Variants in GALNTL5 observed in about 807,000 individuals in gnomAD.
GALNTL5 encodes inactive polypeptide N-acetylgalactosaminyltransferase-like protein 5.
A neutral mutation model predicts 51.0 loss-of-function variants in GALNTL5; 44 were observed. The observed-to-expected ratio is 0.86, with a 90% CI of 0.68 to 1.11. The LOEUF is 1.11. Ranked by LOEUF, GALNTL5 falls within the 50% of genes least tolerant of loss-of-function variation. The pLI is 0.00. For synonymous variants in GALNTL5, 192 were observed against 182.8 expected (o/e 1.05, Z -0.41); for missense variants, 528 against 531.8 (o/e 0.99, Z 0.07).
chr7:151,999,376 G>C (rs1317762914), intron 5 of GALNTL5, among the ~76,000 whole-genome samples: 1 of 152,162 alleles, frequency 6.6e-6, no homozygotes, highest in African/African-American at 2.4e-5. Flanking sequence ...ATGTTCCTAG[G>C]AATAGAATTG....
chr7:151,977,289 G>A (rs1425281388), intron 3 of GALNTL5, among the ~76,000 whole-genome samples: 2 of 152,030 alleles, frequency 1.3e-5, no homozygotes, highest in Non-Finnish European at 2.9e-5. Flanking sequence ...GTTATAAGTG[G>A]TGATGTCATT....
intron 5 of GALNTL5, among the ~76,000 whole-genome samples, chr7:151,998,282 T>G (rs924179789): frequency 2.6e-5 from 4 of 152,264 alleles, no homozygotes; most frequent in African/African-American, 9.6e-5. Context: ...TACTTGCCTG[T>G]TTTATGAATA....
At chr7:151,973,896 A>G (rs2374311) in intron 3 of GALNTL5, among the ~76,000 whole-genome samples, 107,851 of 151,928 alleles carry the variant, frequency 0.71, 38,495 homozygotes, top group South Asian at 0.81. Context: ...TCATGGGAGT[A>G]GTTTCCCCCA....
intron 8 of GALNTL5, among the ~76,000 whole-genome samples, chr7:152,017,038 C>CAAAAAA (rs201395203): frequency 2.6e-5 from 3 of 116,650 alleles, no homozygotes; most frequent in Non-Finnish European, 5.3e-5. Context: ...AGCTCCATCT[C>CAAAAAA]AAAAAAAAAA....
chr7:152,008,929 T>C (rs1212954626), intron 7 of GALNTL5, among the ~76,000 whole-genome samples: 1 of 152,202 alleles, frequency 6.6e-6, no homozygotes, highest in African/African-American at 2.4e-5. Flanking sequence ...TGTGATCAGT[T>C]TTGTGTATTA....
rs528587214 is a variant in GALNTL5, at chr7:151,969,986, A to G, written c.248-959A>G. 1.7e-3 allele frequency among the ~76,000 whole-genome samples: 238 copies of G among 142,224 alleles called. 6 individuals carry two copies. The highest frequency in any genetic ancestry group is 5.8e-4 in the Non-Finnish European group (38 of 65,008). 93.3% of individuals were successfully genotyped at this position (142,224 alleles called of 152,430 possible). On this transcript the variant is annotated intron_variant, in intron 2 of 8. Coordinates refer to ENST00000392800, the MANE Select transcript of GALNTL5 (RefSeq NM_145292.4). Reference sequence around the variant, plus strand: ...CACGCCTGGCTATTTTTTTTTTTGTATTTTTAGGAGAGACGGGGTTTCACC... The same window carrying G: ...CACGCCTGGCTATTTTTTTTTTTGTGTTTTTAGGAGAGACGGGGTTTCACC...
intron 4 of GALNTL5, 34 bp from the exon 5 acceptor site, chr7:151,987,125 T>C (rs755564485): frequency 1.3e-6 from 2 of 1,548,846 alleles, no homozygotes; most frequent in East Asian, 2.3e-5. Flanking sequence ...ATAGTTGCCG[T>C]TTATACATTC....
chr7:152,002,204 C>T lies in GALNTL5; in HGVS notation c.659-510C>T, dbSNP rs561957223. Among the ~76,000 whole-genome samples, 362 of 151,958 alleles carry T rather than the reference C, an allele frequency of 2.4e-3. 2 individuals carry two copies. Among genetic ancestry groups the T allele is most frequent in the African/African-American group, 8.4e-3 (347 of 41,422 alleles). ...CTGAGGCAGGAGAATTGCTTGAACCCGGGAGGCGGATGTTGCAGTGAGCCA... is the reference window on the plus strand; with the variant it reads ...CTGAGGCAGGAGAATTGCTTGAACCTGGGAGGCGGATGTTGCAGTGAGCCA... On this transcript the variant is annotated intron_variant, in intron 5 of 8. Coordinates refer to ENST00000392800, the MANE Select transcript of GALNTL5 (RefSeq NM_145292.4).
At chr7:151,973,538 T>G (rs527373699) in intron 3 of GALNTL5, among the ~76,000 whole-genome samples, 140 of 152,368 alleles carry the variant, frequency 9.2e-4, no homozygotes, top group Non-Finnish European at 1.8e-3. Context: ...GGCCCCTTTG[T>G]TTTGGCCAAT....
At chr7:151,980,398 A>G (rs1167606548) in intron 3 of GALNTL5, among the ~76,000 whole-genome samples, 2 of 152,006 alleles carry the variant, frequency 1.3e-5, no homozygotes, top group African/African-American at 4.8e-5. Context: ...ATTTTTCCAC[A>G]TGTTTCTGCA....
intron 1 of GALNTL5, among the ~76,000 whole-genome samples, chr7:151,958,259 C>T (rs2080949445): frequency 1.3e-5 from 2 of 152,216 alleles, no homozygotes; most frequent in Non-Finnish European, 2.9e-5. Flanking sequence ...CTGGCACTAC[C>T]GACCTAGATT....
intron 1 of GALNTL5, among the ~76,000 whole-genome samples, chr7:151,966,841 C>T (rs1255106702): frequency 1.3e-5 from 2 of 152,178 alleles, no homozygotes; most frequent in Admixed American, 6.5e-5. Context: ...ACATTTTTAA[C>T]AAGCTGCTTG....
intron 8 of GALNTL5, among the ~76,000 whole-genome samples, chr7:152,017,681 T>C (rs2081836874): frequency 6.6e-6 from 1 of 152,206 alleles, no homozygotes; most frequent in Admixed American, 6.5e-5. Flanking sequence ...GGCTTTCAAA[T>C]TGTCTTTCAA....
chr7:151,989,866 G>T (rs1355336148), intron 5 of GALNTL5, among the ~76,000 whole-genome samples: 2 of 151,884 alleles, frequency 1.3e-5, no homozygotes, highest in Non-Finnish European at 2.9e-5. Context: ...TTTTTCTGTC[G>T]ATTTATCTGT....
intron 7 of GALNTL5, among the ~76,000 whole-genome samples, chr7:152,013,959 A>C (rs2081772351): frequency 6.6e-6 from 1 of 152,356 alleles, no homozygotes; most frequent in South Asian, 2.1e-4. Flanking sequence ...TTTAGGTATT[A>C]AAAAAGATGA....
Position 151,967,299 on chromosome 7 carries a change from T to G in GALNTL5, c.53T>G (p.Ile18Ser), listed in dbSNP as rs748082272. 6.2e-7 allele frequency: 1 copy of G among 1,614,024 alleles called. No homozygotes were observed. ...GLFYGSLTFGIWTALLFIYLH... is the reference protein window; with the variant it reads ...GLFYGSLTFGSWTALLFIYLH... ...TTCTATGGGTCCTTGACATTTGGGA[T>G]CTGGACAGCTCTGTTATTCATATAT... The change falls in exon 2 of 9, where the codon ATC (isoleucine) becomes AGC (serine). Residue 18 changes from isoleucine to serine, a missense_variant. By Grantham distance (142) the Ile-to-Ser change is moderately radical. Coordinates refer to ENST00000392800, the MANE Select transcript of GALNTL5 (RefSeq NM_145292.4).
At chr7:151,978,925 T>G (rs1253604357) in intron 3 of GALNTL5, among the ~76,000 whole-genome samples, 1 of 152,122 alleles carries the variant, frequency 6.6e-6, no homozygotes, top group Admixed American at 6.5e-5. Context: ...TAGGATCACA[T>G]TCTGAGGTCC....
In GALNTL5 at chr7:151,983,034, C is replaced by T; in HGVS notation, c.417C>T (p.Val139=). 1.9e-6 allele frequency: 3 copies of T among 1,614,158 alleles called. No individual in the cohort carries two copies. Among genetic ancestry groups the T allele is most frequent in the South Asian group, 1.1e-5 (1 of 91,076 alleles). Residue 139 remains valine (V), a synonymous_variant, in exon 4 of 9, where the codon GTC becomes GTT. Coordinates refer to ENST00000392800, the MANE Select transcript of GALNTL5 (RefSeq NM_145292.4). ...CCCGCCTCCCGACTGCCAGCATTGT[C>T]ATTTGCTTCTATAATGAAGAATGTA... The part of the protein sequence containing the change: ...YPARLPTASI[V]ICFYNEECNA...
intron 8 of GALNTL5, 118 bp from the exon 9 acceptor site, chr7:152,019,528 C>A (rs2081862529): frequency 1.0e-6 from 1 of 981,320 alleles, no homozygotes; most frequent in Non-Finnish European, 1.5e-6. Flanking sequence ...AAATTGGGAT[C>A]TGGAGGGCTT....
Sources: allele counts gnomAD v4.1 joint callset (sites outside exome capture counted in the v4.1 genomes callset), GRCh38; gene constraint gnomAD v4.1.1; transcripts MANE v1.5; gene names NCBI Gene and HGNC (gene_info 2026-07-23, HGNC 2026-07-21).